Variants in SF3A1 observed in about 807,000 individuals in gnomAD.
The protein encoded by SF3A1 is splicing factor 3a subunit 1, also known as SAP 114.
SF3A1 carries 13 observed loss-of-function variants against 89.9 expected under a neutral mutation model. The observed-to-expected ratio is 0.14, with a 90% CI of 0.09 to 0.23. SF3A1 has a LOEUF of 0.23. Among genes scored for constraint, SF3A1 ranks in the 10% least tolerant of loss-of-function variants. The pLI, the probability that SF3A1 is intolerant of heterozygous loss-of-function variation, is 1.00. For missense variants in SF3A1, 604 were observed against 1,022.1 expected (o/e 0.59, Z 5.58); for synonymous variants, 405 against 374.4 (o/e 1.08, Z -0.94).
intron 1 of SF3A1, among the ~76,000 whole-genome samples, chr22:30,356,027 G>A (rs577323078): frequency 1.1e-4 from 16 of 152,222 alleles, no homozygotes; most frequent in African/African-American, 3.9e-4. Flanking sequence ...ATGTTCATTA[G>A]ATTTGTACCT....
At position 30,355,619 on chromosome 22, in the gene SF3A1, C is replaced by A. The variant is rs1354137065; in HGVS notation, c.63+1111G>T. ...CAAATCCTAAGTAAGAATCGCATCTCCTGCCACTACGCTCCTAAGTCTATG... is the reference window on the plus strand; with the variant it reads ...CAAATCCTAAGTAAGAATCGCATCTACTGCCACTACGCTCCTAAGTCTATG... On this transcript the variant is annotated intron_variant, in intron 1 of 15. Transcript: ENST00000215793. Among the ~76,000 whole-genome samples the A allele has an allele frequency of 3.9e-5, 6 of 152,350 alleles. 2 individuals are homozygous for A. The East Asian group carries it at 1.2e-3, about 29-fold the overall frequency.
intron 2 of SF3A1, 102 bp downstream of exon 2, chr22:30,352,849 G>T: frequency 7.0e-7 from 1 of 1,436,260 alleles, no homozygotes. Flanking sequence ...GAACTAAAAG[G>T]CCCAAGCCAA....
chr22:30,344,955 T>A lies in SF3A1; in HGVS notation c.629A>T (p.Lys210Met). The A allele has an allele frequency of 6.2e-7, 1 of 1,614,208 alleles. No individual in the cohort carries two copies. Among genetic ancestry groups the A allele is most frequent in the South Asian group, 1.1e-5 (1 of 91,086 alleles). The change falls in exon 4 of 16, where the codon AAG (lysine) becomes ATG (methionine). Residue 210 changes from lysine (K) to methionine (M), a missense_variant. Transcript: ENST00000215793. ...CACCTTGGTGTACTGTTCCACTAGC[T>A]TCGTGAAGTAGTTGAAGAGGCTGTG... ...PQHSLFNYFT[K>M]LVEQYTKILI...
intron 15 of SF3A1, 85 bp downstream of exon 15, chr22:30,335,382 C>G (rs1298498079): frequency 8.4e-7 from 1 of 1,192,762 alleles, no homozygotes; most frequent in East Asian, 2.3e-5. Flanking sequence ...CTCCACTCCC[C>G]TTTTAGCTTC....
rs979444828 is a variant in SF3A1, at chr22:30,333,152, C to T, written c.*1442G>A. ...AACCAGGCCAGAGGCAAATGTCAGACAGGATAAGGGATGACATCCCATCAA... is the reference window on the plus strand; with the variant it reads ...AACCAGGCCAGAGGCAAATGTCAGATAGGATAAGGGATGACATCCCATCAA... On this transcript the variant is annotated 3_prime_UTR_variant, in exon 16 of 16. Coordinates refer to ENST00000215793, the MANE Select transcript of SF3A1 (RefSeq NM_005877.6). The T allele has an allele frequency of 1.3e-5, 2 of 152,184 alleles. No homozygotes were observed. The highest frequency in any genetic ancestry group is 2.9e-5 in the Non-Finnish European group (2 of 68,062). 9.4% of individuals were successfully genotyped at this position (152,184 alleles called of 1,614,324 possible).
intron 7 of SF3A1, 131 bp downstream of exon 7, chr22:30,341,558 CTGT>C: frequency 2.2e-6 from 1 of 451,842 alleles, no homozygotes. Context: ...ACTTGGGCAG[CTGT>C]ATGGCCTTGT....
At chr22:30,346,215 G>T in intron 3 of SF3A1, 97 bp downstream of exon 3, 1 of 837,726 alleles carries the variant, frequency 1.2e-6, no homozygotes, top group Non-Finnish European at 2.0e-6. Context: ...TTCTCTCCCT[G>T]GGTGGTTGTG....
chr22:30,356,370 C>A (rs535474694), intron 1 of SF3A1, among the ~76,000 whole-genome samples: 20 of 152,356 alleles, frequency 1.3e-4, no homozygotes, highest in African/African-American at 4.3e-4. Flanking sequence ...GCCGGCGGCC[C>A]CAACTGCTAC....
intron 2 of SF3A1, among the ~76,000 whole-genome samples, chr22:30,349,303 C>T (rs1194190876): frequency 6.6e-6 from 1 of 152,134 alleles, no homozygotes; most frequent in Non-Finnish European, 1.5e-5. Context: ...ACTTTTGAGG[C>T]GGAGTCTCGC....
rs745856856 is a variant in SF3A1, at chr22:30,337,062, G to A, written c.2070C>T (p.Ser690=). 7 of 1,614,160 alleles carry A rather than the reference G, an allele frequency of 4.3e-6. No homozygotes were observed. In the East Asian group the frequency reaches 8.9e-5, roughly 21 times the overall value. ...GCAGGAACTCCTCCTCTGGCATGAGGCTGTCCTCTGTCTTCAGTTTTTTGG... is the reference window on the plus strand; with the variant it reads ...GCAGGAACTCCTCCTCTGGCATGAGACTGTCCTCTGTCTTCAGTTTTTTGG... ...PTSKKLKTED[S]LMPEEEFLRR... Residue 690 remains serine, a synonymous_variant, in exon 13 of 16, where the codon AGC becomes AGT. Transcript: ENST00000215793.
rs1019081253 is a variant in SF3A1, at chr22:30,340,371, G to C, written c.1200C>G (p.Pro400=). The C allele has an allele frequency of 1.9e-6, 3 of 1,611,198 alleles. No individual in the cohort carries two copies. The highest frequency in any genetic ancestry group is 1.7e-5 in the Admixed American group (1 of 58,824). The change falls in exon 9 of 16, where the codon CCC becomes CCG. Residue 400 remains proline, a synonymous_variant. Transcript: ENST00000215793. ...RKDYDPKASK[P]LPPAPAPDEY... Reference sequence around the variant, plus strand: ...CATCTGGAGCAGGGGCTGGAGGCAAGGGCTTGGAGGCTAAAAGGAAACAGA... The same window carrying C: ...CATCTGGAGCAGGGGCTGGAGGCAACGGCTTGGAGGCTAAAAGGAAACAGA...
intron 1 of SF3A1, among the ~76,000 whole-genome samples, chr22:30,353,428 G>A (rs1449944767): frequency 6.6e-6 from 1 of 152,192 alleles, no homozygotes; most frequent in East Asian, 1.9e-4. Flanking sequence ...AGAAAAGGGA[G>A]AAAGCAAAAA....
rs747000448 is a variant in SF3A1 at position 30,346,528 on chromosome 22, AG to A, written c.186-10del. On this transcript the variant is annotated splice_polypyrimidine_tract_variant and intron_variant, in intron 2 of 15. Transcript: ENST00000215793. ...CAAATTCAGGCCCGTTTCTGGAGGA[AG>A]AAAAAACAACAAGAATAAACACCAC... 29 of 1,613,790 alleles carry A rather than the reference AG, an allele frequency of 1.8e-5. No homozygotes were observed. The highest frequency in any genetic ancestry group is 2.5e-5 in the Non-Finnish European group (29 of 1,179,900).
At chr22:30,335,018 T>C (rs1337426551) in intron 15 of SF3A1, among the ~76,000 whole-genome samples, 1 of 152,076 alleles carries the variant, frequency 6.6e-6, no homozygotes, top group South Asian at 2.1e-4. Context: ...CCTCAATGGA[T>C]AGAGATAACT....
chr22:30,341,560 G>C, intron 7 of SF3A1, 132 bp downstream of exon 7: 1 of 475,398 alleles, frequency 2.1e-6, no homozygotes, highest in Admixed American at 3.4e-5. Context: ...TTGGGCAGCT[G>C]TATGGCCTTG....
At chr22:30,353,125 T>C (rs1931652646) in intron 1 of SF3A1, 53 bp from the exon 2 acceptor site, 1 of 1,599,752 alleles carries the variant, frequency 6.3e-7, no homozygotes, top group Non-Finnish European at 8.5e-7. Flanking sequence ...TCAGAGCAGG[T>C]TCTCCACTGT....
intron 5 of SF3A1, 94 bp downstream of exon 5, chr22:30,342,711 G>C (rs750149243): frequency 1.2e-6 from 1 of 856,586 alleles, no homozygotes; most frequent in African/African-American, 1.7e-5. Context: ...TCCCATGACT[G>C]GAACATAACA....
At chr22:30,346,184 A>T in intron 3 of SF3A1, 128 bp downstream of exon 3, 1 of 707,742 alleles carries the variant, frequency 1.4e-6, no homozygotes, top group East Asian at 2.5e-5. Context: ...TGCCTCTGAG[A>T]GATGGGGATA....
At chr22:30,346,283 G>A (rs531932602) in intron 3 of SF3A1, 29 bp downstream of exon 3, 201 of 1,456,014 alleles carry the variant, frequency 1.4e-4, no homozygotes, top group Non-Finnish European at 1.8e-4. Flanking sequence ...CAAGCCCTGC[G>A]TAAGTGAAGG....
Sources: gnomAD v4.1 joint callset for allele counts (sites outside exome capture counted in the v4.1 genomes callset) on GRCh38, gnomAD v4.1.1 for gene constraint, MANE v1.5 for transcripts, NCBI Gene and HGNC (gene_info 2026-07-23, HGNC 2026-07-21) for gene names.